ARAP2: variants seen among roughly 807,000 people sequenced by gnomAD.
ARAP2 encodes ArfGAP with RhoGAP domain, ankyrin repeat and PH domain 2.
A neutral mutation model predicts 194.5 loss-of-function variants in ARAP2; 148 were observed. The ratio of observed to expected loss-of-function variants is 0.76; its 90% confidence interval spans 0.67 to 0.87. ARAP2 has a LOEUF of 0.87. Among genes scored for constraint, ARAP2 ranks in the 40% least tolerant of loss-of-function variants. The probability of loss-of-function intolerance (pLI) is 0.00; values close to 1 mark genes in which losing one functional copy is unlikely to be tolerated. For synonymous variants in ARAP2, 695 were observed against 683.5 expected (o/e 1.02, Z -0.26); for missense variants, 2,128 against 1,989.7 (o/e 1.07, Z -1.32).
Position 36,107,579 on chromosome 4 carries a change from A to G in ARAP2, c.4271T>C (p.Ile1424Thr). 1 of 1,609,800 alleles carries G rather than the reference A, an allele frequency of 6.2e-7. No homozygotes were observed. The highest frequency in any genetic ancestry group is 8.5e-7 in the Non-Finnish European group (1 of 1,177,684). The change falls in exon 27 of 33, where the codon ATT becomes ACT. Residue 1424 changes from isoleucine (I) to threonine (T), a missense_variant. By Grantham distance (89) the Ile-to-Thr change is moderately conservative. Transcript: ENST00000303965. ...ATGACACCTACCACTGCAGTGTTTA[A>G]TTGTGTCAGCGGTTAAGAATCTCTT... ...VVKRFLTADTIKHCSDRSTLG... is the reference protein window; with the variant it reads ...VVKRFLTADTTKHCSDRSTLG...
intron 9 of ARAP2, among the ~76,000 whole-genome samples, chr4:36,172,458 T>C (rs189005465): frequency 6.6e-6 from 1 of 152,356 alleles, no homozygotes; most frequent in Non-Finnish European, 1.5e-5. Flanking sequence ...AGAATTTATC[T>C]TCAATATAAA....
intron 2 of ARAP2, among the ~76,000 whole-genome samples, chr4:36,218,977 C>G (rs936013975): frequency 6.6e-6 from 1 of 152,124 alleles, no homozygotes; most frequent in African/African-American, 2.4e-5. Flanking sequence ...TAAACAAGTG[C>G]ATAAGGTGTT....
At chr4:36,038,014 T>G (rs1174580587) in intron 5 of ARAP2, among the ~76,000 whole-genome samples, 1 of 152,200 alleles carries the variant, frequency 6.6e-6, no homozygotes, top group Admixed American at 6.5e-5. Context: ...TTGTGCTTTT[T>G]GTGTCTTCTC....
At chr4:36,113,808 T>C (rs1720633599) in intron 26 of ARAP2, among the ~76,000 whole-genome samples, 2 of 151,970 alleles carry the variant, frequency 1.3e-5, no homozygotes, top group Non-Finnish European at 2.9e-5. Context: ...AAAATTATTT[T>C]ATATAATAAA....
At chr4:36,081,007 G>A (rs887264101) in intron 30 of ARAP2, among the ~76,000 whole-genome samples, 2 of 152,100 alleles carry the variant, frequency 1.3e-5, no homozygotes, top group African/African-American at 2.4e-5. Flanking sequence ...AAGATCTAAT[G>A]GGCTTTTCAA....
At chr4:36,239,144 C>T (rs765862428) in intron 1 of ARAP2, among the ~76,000 whole-genome samples, 12 of 151,996 alleles carry the variant, frequency 7.9e-5, no homozygotes, top group Non-Finnish European at 1.8e-4. Context: ...GGCATGGTGG[C>T]ACACACCTGT....
chr4:36,230,247 T>A (rs1751176233), intron 1 of ARAP2, among the ~76,000 whole-genome samples: 1 of 152,246 alleles, frequency 6.6e-6, no homozygotes, highest in African/African-American at 2.4e-5. Context: ...TTAAACAATA[T>A]TCCCACAAAG....
At chr4:36,176,045 G>T (rs1014835762) in intron 9 of ARAP2, among the ~76,000 whole-genome samples, 6 of 152,108 alleles carry the variant, frequency 3.9e-5, no homozygotes, top group Non-Finnish European at 8.8e-5. Flanking sequence ...TTCAATGAAA[G>T]AATCCTTAGG....
intron 2 of ARAP2, among the ~76,000 whole-genome samples, chr4:36,223,608 C>A (rs1338072791): frequency 6.6e-6 from 1 of 152,096 alleles, no homozygotes; most frequent in Non-Finnish European, 1.5e-5. Flanking sequence ...TAACCCCCAA[C>A]GTGGCGACTG....
intron 19 of ARAP2, among the ~76,000 whole-genome samples, chr4:36,135,206 G>C (rs1348015356): frequency 6.6e-6 from 1 of 151,740 alleles, no homozygotes; most frequent in African/African-American, 2.4e-5. Flanking sequence ...AACCCAAAGA[G>C]GCATGAATAA....
In ARAP2 at chr4:36,229,083, T is replaced by C. The variant is rs760864982; in HGVS notation, c.404A>G (p.Glu135Gly). 1 of 1,614,070 alleles carries C rather than the reference T, an allele frequency of 6.2e-7. No homozygotes were observed. Among genetic ancestry groups the C allele is most frequent in the Non-Finnish European group, 8.5e-7 (1 of 1,179,990 alleles). Residue 135 changes from glutamate to glycine, a missense_variant, in exon 2 of 33, where the codon GAA (glutamate) becomes GGA (glycine). Glu to Gly is a moderately conservative substitution (Grantham distance 98). Transcript: ENST00000303965. ...ATCTGATTGAGGATACTGGCTTCTTTCCACACTTGCATCACTGTCTTCAAG... is the reference window on the plus strand; with the variant it reads ...ATCTGATTGAGGATACTGGCTTCTTCCCACACTTGCATCACTGTCTTCAAG... ...KNLEDSDASV[E>G]RSQYPQSDDK...
chr4:36,193,442 T>C (rs1355599641), intron 7 of ARAP2, 136 bp downstream of exon 7: 2 of 503,522 alleles, frequency 4.0e-6, no homozygotes, highest in Non-Finnish European at 7.1e-6. Context: ...CATATGGTAA[T>C]ATATTTATTA....
At chr4:36,032,549 T>C (rs993632756) in intron 5 of ARAP2, among the ~76,000 whole-genome samples, 6 of 152,224 alleles carry the variant, frequency 3.9e-5, no homozygotes, top group African/African-American at 1.4e-4. Flanking sequence ...TTTACTCCTC[T>C]GAAGAGATTA....
chr4:36,121,108 C>A, intron 23 of ARAP2, 71 bp downstream of exon 23: 1 of 1,198,706 alleles, frequency 8.3e-7, no homozygotes, highest in Non-Finnish European at 1.1e-6. Flanking sequence ...TAACACCCTA[C>A]AACATAAATA....
intron 6 of ARAP2, among the ~76,000 whole-genome samples, chr4:36,200,700 C>A (rs1402391853): frequency 6.6e-6 from 1 of 152,132 alleles, no homozygotes; most frequent in African/African-American, 2.4e-5. Flanking sequence ...TAATAAATAT[C>A]AATGATTACT....
downstream of ARAP2, among the ~76,000 whole-genome samples, chr4:36,062,189 C>T (rs146341342): frequency 7.4e-4 from 113 of 152,268 alleles, 2 homozygotes; most frequent in East Asian, 0.017. Context: ...GTTGCCTGTG[C>T]TTATGGGGAT....
intron 5 of ARAP2, among the ~76,000 whole-genome samples, chr4:36,045,227 A>C (rs1252239131): frequency 6.6e-6 from 1 of 152,190 alleles, no homozygotes; most frequent in Non-Finnish European, 1.5e-5. Flanking sequence ...TATGTTGAAG[A>C]GCTATCTGCA....
intron 6 of ARAP2, chr4:36,018,996 A>G (rs1401875366): frequency 7.2e-6 from 1 of 139,250 alleles, no homozygotes. Context: ...TTGGGGTAAG[A>G]GAAATAAATT....
intron 19 of ARAP2, among the ~76,000 whole-genome samples, chr4:36,138,748 T>C (rs4833122): frequency 6.6e-6 from 1 of 151,460 alleles, no homozygotes; most frequent in East Asian, 1.9e-4. Flanking sequence ...TTGGGATGTA[T>C]AGTTAAGTGT....
Sources: gnomAD v4.1 joint callset for allele counts (sites outside exome capture counted in the v4.1 genomes callset) on GRCh38, gnomAD v4.1.1 for gene constraint, MANE v1.5 for transcripts, NCBI Gene and HGNC (gene_info 2026-07-23, HGNC 2026-07-21) for gene names.